The following NIBAN2 variants were observed in gnomAD, a reference collection of about 807,000 sequenced individuals.
NIBAN2 encodes the protein niban apoptosis regulator 2.
NIBAN2 carries 36 observed loss-of-function variants against 81.8 expected under a neutral mutation model. The observed-to-expected ratio is 0.44, with a 90% CI of 0.34 to 0.58. NIBAN2 has a LOEUF of 0.58. NIBAN2 is among the 20% of genes least tolerant of loss of function. NIBAN2 has a pLI of 0.02. For synonymous variants in NIBAN2, 445 were observed against 441.6 expected (o/e 1.01, Z -0.10); for missense variants, 897 against 1,014.1 (o/e 0.88, Z 1.57).
At chr9:127,513,862 T>C (rs150738789) in intron 8 of NIBAN2, among the ~76,000 whole-genome samples, 1 of 152,360 alleles carries the variant, frequency 6.6e-6, no homozygotes, top group East Asian at 1.9e-4. Context: ...GAACCCTCTC[T>C]CGGGGTCTGG....
chr9:127,518,801 C>T (rs544660855), intron 5 of NIBAN2, among the ~76,000 whole-genome samples: 1 of 152,358 alleles, frequency 6.6e-6, no homozygotes, highest in South Asian at 2.1e-4. Flanking sequence ...GAGCCAGCTG[C>T]CTGCCCCACT....
chr9:127,523,168 TTAAAAAAA>T (rs1439018333), intron 5 of NIBAN2, among the ~76,000 whole-genome samples: 23 of 19,002 alleles, frequency 1.2e-3, no homozygotes, highest in Admixed American at 1.4e-3. Flanking sequence ...GTTGGTGGTT[TTAAAAAAA>T]AAAAAAAAAA....
chr9:127,571,566 C>T (rs150308119), upstream of NIBAN2, among the ~76,000 whole-genome samples: 1,122 of 152,222 alleles, frequency 7.4e-3, 10 homozygotes, highest in African/African-American at 0.023. Context: ...CATGGTGGCA[C>T]GCGCCTGTAG....
chr9:127,506,994 G>C lies in NIBAN2; in HGVS notation c.2092C>G (p.Leu698Val), dbSNP rs142795970. 954 of 1,598,112 alleles carry C rather than the reference G, an allele frequency of 6.0e-4. 2 individuals are homozygous for C. Among genetic ancestry groups the C allele is most frequent in the South Asian group, 3.1e-3 (278 of 89,284 alleles). The part of the protein sequence containing the change: ...PEASSPPASP[L>V]QHLLPGKAVD... ...GCCTTTCCAGGCAGGAGATGCTGGA[G>C]GGGTGAGGCAGGCGGCGAGGAGGCC... is the stretch of plus-strand genomic sequence containing the variant. Residue 698 changes from leucine (L) to valine (V), a missense_variant, in exon 14 of 14, where the codon CTC becomes GTC. By Grantham distance (32) the Leu-to-Val change is conservative. Transcript: ENST00000373312.
intron 1 of NIBAN2, among the ~76,000 whole-genome samples, chr9:127,551,111 A>G (rs1837567509): frequency 6.6e-6 from 1 of 152,190 alleles, no homozygotes; most frequent in African/African-American, 2.4e-5. Context: ...ACTACCGGCT[A>G]GGTGCGGTGG....
intron 1 of NIBAN2, among the ~76,000 whole-genome samples, chr9:127,562,120 G>A (rs10987686): frequency 0.034 from 5,235 of 152,168 alleles, 123 homozygotes; most frequent in Non-Finnish European, 0.047. Flanking sequence ...GAGTAATGAC[G>A]GGTGGGATAG....
Position 127,506,936 on chromosome 9 carries a change from T to A in NIBAN2, c.2150A>T (p.Gln717Leu). 6.2e-7 allele frequency: 1 copy of A among 1,611,018 alleles called. No individual in the cohort carries two copies. Among genetic ancestry groups the A allele is most frequent in the Middle Eastern group, 1.7e-4 (1 of 5,930 alleles). The change falls in exon 14 of 14, where the codon CAG becomes CTG. Residue 717 changes from glutamine to leucine, a missense_variant. Physicochemically the swap from Gln to Leu is moderately radical, Grantham distance 113. Coordinates refer to ENST00000373312, the MANE Select transcript of NIBAN2 (RefSeq NM_022833.4). The stretch of plus-strand genomic sequence containing the variant: ...GCTGGACACCTGCTCTCCAGTCTCC[T>A]GGTCGCTGGGCTTGGGGGGCCCAAG... ...VDLGPPKPSD[Q>L]ETGEQVSSPS...
intron 1 of NIBAN2, among the ~76,000 whole-genome samples, chr9:127,550,928 G>A (rs928904880): frequency 5.9e-5 from 9 of 152,228 alleles, no homozygotes; most frequent in East Asian, 1.9e-4. Flanking sequence ...CAGAGCTGGC[G>A]GATCCTGCAC....
At position 127,508,322 on chromosome 9, in the gene NIBAN2, C is replaced by T. The variant is rs946661776; in HGVS notation, c.1434+100G>A. On this transcript the variant is annotated intron_variant, in intron 11 of 13. Coordinates refer to ENST00000373312, the MANE Select transcript of NIBAN2 (RefSeq NM_022833.4). This position sits in a 1 kb window ranked among gnomAD's most constrained non-coding sequence, Gnocchi z 6.4. ...CCTCATCCGCACAAGAGGACCATGGCGCCTCCTTGCAGGGACAGCAATCCT... is the reference window on the plus strand; with the variant it reads ...CCTCATCCGCACAAGAGGACCATGGTGCCTCCTTGCAGGGACAGCAATCCT... 2.0e-5 allele frequency: 27 copies of T among 1,320,072 alleles called. No individual in the cohort carries two copies. Among genetic ancestry groups the T allele is most frequent in the African/African-American group, 2.9e-5 (2 of 69,242 alleles). The allele number at this position is 1,320,072 out of a possible 1,614,324, so 81.8% of individuals were successfully genotyped here. A position where few individuals can be genotyped will look rare whatever the true frequency, so the allele number is the denominator to read the frequency against.
chr9:127,567,422 G>A (rs1443301868), intron 1 of NIBAN2, among the ~76,000 whole-genome samples: 2 of 152,190 alleles, frequency 1.3e-5, no homozygotes, highest in African/African-American at 2.4e-5. Context: ...AGAGGCTAGA[G>A]AGGGTCCGAT....
Position 127,507,178 on chromosome 9 carries a change from C to T in NIBAN2, c.1908G>A (p.Glu636=). 6.2e-7 allele frequency: 1 copy of T among 1,612,724 alleles called. No homozygotes were observed. Among genetic ancestry groups the T allele is most frequent in the Non-Finnish European group, 8.5e-7 (1 of 1,179,730 alleles). The change falls in exon 14 of 14, where the codon GAG becomes GAA. Residue 636 remains glutamate (E), a synonymous_variant. Coordinates refer to ENST00000373312, the MANE Select transcript of NIBAN2 (RefSeq NM_022833.4). This position sits in a 1 kb window ranked among gnomAD's most constrained non-coding sequence, Gnocchi z 6.8. Reference sequence around the variant, plus strand: ...CAGGTGGTGGTGACTCAGGGCTAGCCTCAAAGGGCAGCCCCACCTCCTCAT... The same window carrying T: ...CAGGTGGTGGTGACTCAGGGCTAGCTTCAAAGGGCAGCCCCACCTCCTCAT... ...VQDEEVGLPF[E]ASPESPPPAS...
intron 5 of NIBAN2, among the ~76,000 whole-genome samples, chr9:127,521,893 C>T (rs1235022330): frequency 6.6e-6 from 1 of 152,234 alleles, no homozygotes; most frequent in African/African-American, 2.4e-5. Flanking sequence ...CCAGCTCTTC[C>T]CAATCATCTC....
At chr9:127,558,941 A>C (rs1039783049) in intron 1 of NIBAN2, among the ~76,000 whole-genome samples, 4 of 152,094 alleles carry the variant, frequency 2.6e-5, no homozygotes, top group African/African-American at 9.7e-5. Context: ...AGGGAGCACC[A>C]ATCCCATCTT....
At position 127,519,990 on chromosome 9, in the gene NIBAN2, G is replaced by A. The variant is rs558233780; in HGVS notation, c.590-2049C>T. Among the ~76,000 whole-genome samples the A allele has an allele frequency of 2.0e-5, 3 of 152,334 alleles. No homozygotes were observed. The East Asian group carries it at 5.8e-4, about 29-fold the overall frequency. On this transcript the variant is annotated intron_variant, in intron 5 of 13. Coordinates refer to ENST00000373312, the MANE Select transcript of NIBAN2 (RefSeq NM_022833.4). Reference sequence around the variant, plus strand: ...AGGGCAGGCCTGCTTTCCAGGTGGCGAGAAGGTGAGGCAGAGGGCCGGGAC... The same window carrying A: ...AGGGCAGGCCTGCTTTCCAGGTGGCAAGAAGGTGAGGCAGAGGGCCGGGAC...
intron 8 of NIBAN2, among the ~76,000 whole-genome samples, chr9:127,513,022 G>A (rs1588153068): frequency 6.6e-6 from 1 of 152,196 alleles, no homozygotes; most frequent in African/African-American, 2.4e-5. Context: ...TACACGATGG[G>A]GTACTATTCA....
At position 127,507,297 on chromosome 9, in the gene NIBAN2, C is replaced by T. The variant is rs201626107; in HGVS notation, c.1789G>A (p.Gly597Ser). The change falls in exon 14 of 14, where the codon GGC becomes AGC. Residue 597 changes from glycine to serine, a missense_variant. Gly to Ser is a moderately conservative substitution (Grantham distance 56). Transcript: ENST00000373312. This position sits in a 1 kb window ranked among gnomAD's most constrained non-coding sequence, Gnocchi z 6.8. The part of the protein sequence containing the change: ...IDWGEEYSNS[G>S]GGGSPSPSTP... ...CTGGGGCTGGGGCTGCCGCCCCCGC[C>T]GCTGTTGCTGTACTCCTCGCCCCAG... 445 of 1,595,234 alleles carry T rather than the reference C, an allele frequency of 2.8e-4. 1 individual carries two copies. Among genetic ancestry groups the T allele is most frequent in the Non-Finnish European group, 3.4e-4 (395 of 1,167,814 alleles).
Position 127,508,151 on chromosome 9 carries a change from G to C in NIBAN2, c.1484C>G (p.Ala495Gly). ...SSVRKRFFRE[A>G]LLQISIPFLL... Reference sequence around the variant, plus strand: ...GAACGGGATGCTGATCTGCAGCAGCGCCTCCCGGAAGAACCTCTTCCGCAC... The same window carrying C: ...GAACGGGATGCTGATCTGCAGCAGCCCCTCCCGGAAGAACCTCTTCCGCAC... The change falls in exon 12 of 14, where the codon GCG becomes GGG. Residue 495 changes from alanine to glycine, a missense_variant. Transcript: ENST00000373312. The surrounding 1 kb of genome is among the most constrained non-coding windows in gnomAD (Gnocchi z 6.4). The C allele has an allele frequency of 6.2e-7, 1 of 1,613,552 alleles. No homozygotes were observed. The highest frequency in any genetic ancestry group is 8.5e-7 in the Non-Finnish European group (1 of 1,180,010).
chr9:127,519,132 G>A (rs1009396058), intron 5 of NIBAN2, among the ~76,000 whole-genome samples: 8 of 131,674 alleles, frequency 6.1e-5, no homozygotes, highest in African/African-American at 1.4e-4. Context: ...CCGAGATTGC[G>A]CCACTGCACT....
In NIBAN2 at chr9:127,507,914, G is replaced by A. The variant is rs750783560; in HGVS notation, c.1607C>T (p.Thr536Met). The A allele has an allele frequency of 5.6e-6, 9 of 1,614,074 alleles. No homozygotes were observed. Among genetic ancestry groups the A allele is most frequent in the South Asian group, 3.3e-5 (3 of 91,096 alleles). Residue 536 changes from threonine (T) to methionine (M), a missense_variant, in exon 13 of 14, where the codon ACG becomes ATG. By Grantham distance (81) the Thr-to-Met change is moderately conservative. This residue lies in a region of NIBAN2 where 619 missense variants were observed against 691.0 expected (regional missense o/e 0.90). Transcript: ENST00000373312. This position sits in a 1 kb window ranked among gnomAD's most constrained non-coding sequence, Gnocchi z 6.8. ...GGTCTGCAGCACCACCTCCTCGTAC[G>A]TGTTTTCCACCAGGATGAACCTGGC... is the stretch of plus-strand genomic sequence containing the variant. ...DFARFILVEN[T>M]YEEVVLQTVM...
Sources: allele counts gnomAD v4.1 joint callset (sites outside exome capture counted in the v4.1 genomes callset), GRCh38; gene constraint gnomAD v4.1.1; regional missense constraint gnomAD v4.1.1; non-coding constraint Gnocchi (gnomAD v3.1); transcripts MANE v1.5; gene names NCBI Gene and HGNC (gene_info 2026-07-23, HGNC 2026-07-21).